Variants in NUGGC observed in about 807,000 individuals in gnomAD.
The protein encoded by NUGGC is nuclear GTPase SLIP-GC.
A neutral mutation model predicts 92.6 loss-of-function variants in NUGGC; 58 were observed. The ratio of observed to expected loss-of-function variants is 0.63; its 90% CI spans 0.51 to 0.78. The LOEUF is 0.78. Among genes scored for constraint, NUGGC ranks in the 30% least tolerant of loss-of-function variants. The probability of loss-of-function intolerance (pLI) is 0.00; values close to 1 mark genes in which losing one functional copy is unlikely to be tolerated. For missense variants in NUGGC, 925 were observed against 964.6 expected, an observed-to-expected ratio of 0.96 and a Z score of 0.54; for synonymous variants, 376 against 366.4, an observed-to-expected ratio of 1.03 and a Z score of -0.30.
intron 10 of NUGGC, among the ~76,000 whole-genome samples, chr8:28,048,784 A>G (rs1809909929): frequency 6.7e-6 from 1 of 149,730 alleles, no homozygotes; most frequent in Admixed American, 6.7e-5. Flanking sequence ...AATTGTTTGA[A>G]CCCGGGAGGT....
chr8:28,068,373 C>T lies in NUGGC; in HGVS notation c.323G>A (p.Ser108Asn), dbSNP rs1474135896. ...VDPIYIALFG[S>N]TGAGKSSLIN... ...CAGGGAGCTCTTCCCAGCCCCAGTG[C>T]TTCCAAATAATGCAATGTAGATTGG... The change falls in exon 5 of 19, where the codon AGC (serine) becomes AAC (asparagine). Residue 108 changes from serine to asparagine, a missense_variant. Physicochemically the swap from Ser to Asn is conservative, Grantham distance 46 (BLOSUM62 1). Transcript: ENST00000413272. 14 of 1,582,554 alleles carry T rather than the reference C, an allele frequency of 8.8e-6. No individual in the cohort carries two copies. The highest frequency in any genetic ancestry group is 1.7e-4 in the Middle Eastern group (1 of 5,826).
At position 28,067,732 on chromosome 8, in the gene NUGGC, C is replaced by A. The variant is rs1264602023; in HGVS notation, c.493G>T (p.Glu165Ter). The A allele has an allele frequency of 1.2e-6, 2 of 1,612,352 alleles. No individual in the cohort carries two copies. Among genetic ancestry groups the A allele is most frequent in the African/African-American group, 2.7e-5 (2 of 74,916 alleles). The change falls in exon 6 of 19, where the codon GAG (glutamate) becomes TAG (stop). Residue 165 changes from glutamate (E) to a stop codon, truncating the protein, a stop_gained. Transcript: ENST00000413272. LOFTEE classifies it high-confidence loss of function. ...HLLSDQEWRE[E>*]LKNLTKLLHR... ...AGGAGTTTGGTCAGGTTCTTCAGCT[C>A]CTCCCTCCACTCCTGCCAAGGCAGA...
intron 6 of NUGGC, among the ~76,000 whole-genome samples, chr8:28,065,182 A>G: frequency 9.5e-6 from 1 of 105,326 alleles, no homozygotes; most frequent in Non-Finnish European, 1.8e-5. Flanking sequence ...TTTTTTTGAG[A>G]CAGAGTCTTG....
At chr8:28,045,232 C>T (rs1184055413) in intron 12 of NUGGC, among the ~76,000 whole-genome samples, 2 of 152,176 alleles carry the variant, frequency 1.3e-5, no homozygotes, top group Non-Finnish European at 1.5e-5. Context: ...TCACGCCTGC[C>T]ATCGCTTAAA....
intron 11 of NUGGC, among the ~76,000 whole-genome samples, chr8:28,046,276 C>T (rs924003352): frequency 5.9e-5 from 9 of 152,248 alleles, no homozygotes; most frequent in Middle Eastern, 3.4e-3. Flanking sequence ...TCAAGCAGTT[C>T]CCCCATCTCT....
At chr8:28,047,462 G>T in intron 11 of NUGGC, 45 bp downstream of exon 11, 1 of 1,238,470 alleles carries the variant, frequency 8.1e-7, no homozygotes. Flanking sequence ...TGCCAAGCTT[G>T]ATCTTGAGAA....
At chr8:28,035,945 C>T (rs1037043991) in intron 13 of NUGGC, among the ~76,000 whole-genome samples, 31 of 152,172 alleles carry the variant, frequency 2.0e-4, no homozygotes, top group Admixed American at 5.2e-4. Flanking sequence ...TGCAGTGGCA[C>T]GACCATAGCT....
intron 5 of NUGGC, 95 bp from the exon 6 acceptor site, chr8:28,067,839 G>A: frequency 1.1e-6 from 1 of 918,382 alleles, no homozygotes; most frequent in South Asian, 1.6e-5. Context: ...AGGGCCAGGG[G>A]GCTGCATATT....
chr8:28,049,053 G>T (rs1246126704), intron 10 of NUGGC, among the ~76,000 whole-genome samples: 1 of 152,070 alleles, frequency 6.6e-6, no homozygotes, highest in Non-Finnish European at 1.5e-5. Context: ...GCGTGTGTGG[G>T]TATTTGAGGG....
intron 10 of NUGGC, among the ~76,000 whole-genome samples, chr8:28,049,706 T>C (rs892618193): frequency 6.6e-6 from 1 of 152,216 alleles, no homozygotes; most frequent in Non-Finnish European, 1.5e-5. Context: ...TTTAAACACA[T>C]GGCTTGTCAT....
At position 28,040,249 on chromosome 8, in the gene NUGGC, A is replaced by T. The variant is rs947685599; in HGVS notation, c.1611+802T>A. 1.2e-4 allele frequency among the ~76,000 whole-genome samples: 18 copies of T among 152,122 alleles called. 1 individual carries two copies. The East Asian group carries it at 3.5e-3, about 29-fold the overall frequency. On this transcript the variant is annotated intron_variant, in intron 13 of 18. Coordinates refer to ENST00000413272, the MANE Select transcript of NUGGC (RefSeq NM_001010906.2). ...TAGATAAATACTGCCTTACACTTACATTTTCATCCTTCAGAAACTCTATAC... is the reference window on the plus strand; with the variant it reads ...TAGATAAATACTGCCTTACACTTACTTTTTCATCCTTCAGAAACTCTATAC...
chr8:28,026,269 G>A (rs768456426), intron 18 of NUGGC, among the ~76,000 whole-genome samples: 4 of 152,174 alleles, frequency 2.6e-5, no homozygotes, highest in Admixed American at 6.5e-5. Flanking sequence ...CCCCATATAA[G>A]GATATCTGTA....
At chr8:28,045,804 C>G in intron 11 of NUGGC, 144 bp from the exon 12 acceptor site, 1 of 757,658 alleles carries the variant, frequency 1.3e-6, no homozygotes, top group Non-Finnish European at 2.1e-6. Context: ...CAGAACCAAC[C>G]TTTCTGAAAA....
intron 8 of NUGGC, among the ~76,000 whole-genome samples, chr8:28,059,919 G>A (rs545649473): frequency 1.2e-4 from 18 of 152,112 alleles, no homozygotes; most frequent in Non-Finnish European, 2.5e-4. Flanking sequence ...CACTCGGGAG[G>A]CTGAGGCAGG....
intron 13 of NUGGC, among the ~76,000 whole-genome samples, chr8:28,036,721 T>C (rs1311991975): frequency 6.6e-6 from 1 of 152,226 alleles, no homozygotes; most frequent in African/African-American, 2.4e-5. Flanking sequence ...ATAATCCTCA[T>C]TGAGATGTCC....
intron 9 of NUGGC, 124 bp from the exon 10 acceptor site, chr8:28,056,178 T>C: frequency 1.7e-6 from 1 of 595,564 alleles, no homozygotes; most frequent in Non-Finnish European, 3.0e-6. Context: ...GCATGCACTG[T>C]ATTAGAATTA....
rs1462050036 is a variant in NUGGC at position 28,056,344 on chromosome 8, G to T, written c.1117-290C>A. Among the ~76,000 whole-genome samples the T allele has an allele frequency of 2.6e-5, 4 of 152,088 alleles. 1 individual carries two copies. The South Asian group carries it at 8.3e-4, about 32-fold the overall frequency. ...ATACAAAAAATTAGCTAGGCGTGGC[G>T]GCACGTGCCTGTAGTCCCAGCTACT... On this transcript the variant is annotated intron_variant, in intron 9 of 18. Coordinates refer to ENST00000413272, the MANE Select transcript of NUGGC (RefSeq NM_001010906.2).
intron 2 of NUGGC, among the ~76,000 whole-genome samples, chr8:28,072,657 G>T (rs971009676): frequency 6.6e-6 from 1 of 152,108 alleles, no homozygotes; most frequent in Non-Finnish European, 1.5e-5. Flanking sequence ...ATACAGCAGG[G>T]TTTAAAACTT....
intron 12 of NUGGC, among the ~76,000 whole-genome samples, chr8:28,041,703 T>C (rs1809703725): frequency 6.6e-6 from 1 of 152,250 alleles, no homozygotes; most frequent in African/African-American, 2.4e-5. Context: ...GGATTCTGCA[T>C]TTCTAGCCAG....
Sources: allele counts gnomAD v4.1 joint callset (sites outside exome capture counted in the v4.1 genomes callset), GRCh38; gene constraint gnomAD v4.1.1; transcripts MANE v1.5; gene names NCBI Gene and HGNC (gene_info 2026-07-23, HGNC 2026-07-21).